The following CSMD2 variants were observed in gnomAD, a reference collection of about 807,000 sequenced individuals.
The protein encoded by CSMD2 is CUB and Sushi multiple domains 2, also known as CUB and sushi domain-containing protein 2.
In CSMD2, 130 loss-of-function variants were observed where a neutral mutation model predicts 398.5. That is an observed-to-expected ratio of 0.33 (90% CI 0.28 to 0.38). CSMD2 has a LOEUF of 0.38. CSMD2 is among the 10% of genes least tolerant of loss of function. CSMD2 has a pLI of 1.00. For missense variants in CSMD2, 3,829 were observed against 4,764.9 expected (o/e 0.80, Z 5.78); for synonymous variants, 1,828 against 1,908.5 (o/e 0.96, Z 1.10).
At position 33,526,615 on chromosome 1, in the gene CSMD2, G is replaced by T. The variant is rs746000316; in HGVS notation, c.10234+581C>A. Among the ~76,000 whole-genome samples the T allele has an allele frequency of 5.9e-5, 9 of 152,320 alleles. No homozygotes were observed. In the East Asian group the frequency reaches 1.7e-3, roughly 29 times the overall value. On this transcript the variant is annotated intron_variant, in intron 65 of 70. Transcript: ENST00000373381. ...GAAGCTTAAGAGGCGAAGCTCATTC[G>T]TCCAAGGACACAGCTGGTCAGTGAC...
At chr1:33,541,003 C>T in intron 59 of CSMD2, 127 bp downstream of exon 59, 2 of 985,786 alleles carry the variant, frequency 2.0e-6, no homozygotes, top group Non-Finnish European at 1.5e-6. Flanking sequence ...TCTCACCTTG[C>T]ACATCCCCTG....
intron 12 of CSMD2, among the ~76,000 whole-genome samples, chr1:33,783,404 A>C (rs1653047919): frequency 6.6e-6 from 1 of 150,918 alleles, no homozygotes; most frequent in South Asian, 2.1e-4. Flanking sequence ...ATGTCTAAGA[A>C]GAAACAACAC....
intron 64 of CSMD2, among the ~76,000 whole-genome samples, chr1:33,529,914 C>T (rs1179175865): frequency 6.6e-6 from 1 of 152,160 alleles, no homozygotes; most frequent in African/African-American, 2.4e-5. Flanking sequence ...AGAGAAAGAA[C>T]ACTTTCAACT....
At chr1:34,135,737 A>G (rs1638681941) in intron 1 of CSMD2, among the ~76,000 whole-genome samples, 1 of 152,140 alleles carries the variant, frequency 6.6e-6, no homozygotes, top group African/African-American at 2.4e-5. Flanking sequence ...AGAAAGAGGT[A>G]TAAGAGACAT....
In CSMD2 at chr1:33,515,041, G is replaced by A. The variant is rs890867135; in HGVS notation, c.*1583C>T. ...ACGTATACAGGGGCTTAAGCTTGTG[G>A]GGGCCTTCCCGAGGACAGAGAAAGT... On this transcript the variant is annotated 3_prime_UTR_variant, in exon 71 of 71. Transcript: ENST00000373381. 2.0e-5 allele frequency: 3 copies of A among 152,350 alleles called. No individual in the cohort carries two copies. Among genetic ancestry groups the A allele is most frequent in the African/African-American group, 7.2e-5 (3 of 41,576 alleles). The allele number at this position is 152,350 out of a possible 1,614,324, so 9.4% of individuals were successfully genotyped here.
At chr1:33,663,512 G>C (rs562748337) in intron 25 of CSMD2, among the ~76,000 whole-genome samples, 93 of 152,272 alleles carry the variant, frequency 6.1e-4, no homozygotes, top group African/African-American at 2.2e-3. Flanking sequence ...AAAATAATTG[G>C]GGCTAGAGGG....
chr1:33,610,924 C>T (rs778307450), intron 41 of CSMD2, 117 bp downstream of exon 41: 31 of 993,822 alleles, frequency 3.1e-5, no homozygotes, highest in Admixed American at 1.8e-4. Flanking sequence ...GGCCTGCCAC[C>T]GCAACCCACC....
At chr1:33,897,869 A>G (rs1400294570) in intron 5 of CSMD2, among the ~76,000 whole-genome samples, 1 of 152,216 alleles carries the variant, frequency 6.6e-6, no homozygotes, top group Non-Finnish European at 1.5e-5. Context: ...CAATTCTCCC[A>G]GAGACCCGAC....
chr1:34,068,728 G>A (rs541707274), intron 2 of CSMD2, among the ~76,000 whole-genome samples: 15 of 152,278 alleles, frequency 9.9e-5, no homozygotes, highest in African/African-American at 3.1e-4. Flanking sequence ...GAATTCCCAC[G>A]TGTTGGGGTA....
intron 5 of CSMD2, among the ~76,000 whole-genome samples, chr1:33,917,387 C>G (rs1643780330): frequency 6.6e-6 from 1 of 152,188 alleles, no homozygotes. Context: ...TGCCACAATA[C>G]CACTTGTGAT....
chr1:33,599,374 A>T (rs75489129), intron 44 of CSMD2: 1,580 of 152,400 alleles, frequency 0.01, 11 homozygotes, highest in Non-Finnish European at 0.017. Flanking sequence ...AATAAAAATA[A>T]TCATGACAAT....
intron 3 of CSMD2, 74 bp from the exon 4 acceptor site, chr1:33,936,028 A>T (rs2125328270): frequency 7.4e-7 from 1 of 1,347,678 alleles, no homozygotes; most frequent in East Asian, 2.3e-5. Context: ...GCTTCCTAGT[A>T]GCAACTCCCT....
intron 49 of CSMD2, among the ~76,000 whole-genome samples, chr1:33,574,133 G>C (rs977228281): frequency 5.9e-5 from 9 of 152,134 alleles, no homozygotes; most frequent in Non-Finnish European, 1.3e-4. Flanking sequence ...CACCTCTTGT[G>C]AACCCTTTCT....
At chr1:33,847,659 T>C (rs1283136427) in intron 5 of CSMD2, among the ~76,000 whole-genome samples, 1 of 152,146 alleles carries the variant, frequency 6.6e-6, no homozygotes, top group African/African-American at 2.4e-5. Flanking sequence ...ATTCAAATTA[T>C]AATTCAGTTA....
In CSMD2 at chr1:33,658,018, C is replaced by G. The variant is rs1389220883; in HGVS notation, c.4375G>C (p.Gly1459Arg). The G allele has an allele frequency of 6.2e-7, 1 of 1,614,210 alleles. No homozygotes were observed. ...FQCDPGYALQ[G>R]SAEISCVKIE... ...TTCACACAGCTGATCTCTGCACTTC[C>G]CTGCAGCGCGTAGCCAGGGTCACAC... The change falls in exon 27 of 71, where the codon GGA becomes CGA. Residue 1459 changes from glycine to arginine, a missense_variant. Physicochemically the swap from Gly to Arg is moderately radical, Grantham distance 125 (BLOSUM62 -2). Transcript: ENST00000373381.
At chr1:33,743,630 T>C (rs775921975) in intron 13 of CSMD2, 24 bp from the exon 14 acceptor site, 4 of 1,515,980 alleles carry the variant, frequency 2.6e-6, no homozygotes, top group Non-Finnish European at 3.6e-6. Flanking sequence ...GCAGTGGAGG[T>C]CAGTAAGCAT....
intron 3 of CSMD2, among the ~76,000 whole-genome samples, chr1:33,987,747 C>T (rs1161539671): frequency 6.6e-6 from 1 of 152,196 alleles, no homozygotes; most frequent in African/African-American, 2.4e-5. Context: ...GACTCTTCAT[C>T]ACTTTACCCA....
chr1:33,649,597 T>C (rs1187352175), intron 28 of CSMD2, among the ~76,000 whole-genome samples: 3 of 152,176 alleles, frequency 2.0e-5, no homozygotes, highest in African/African-American at 7.2e-5. Context: ...TGAGCCAAGA[T>C]TGTGCCACTG....
At chr1:33,782,406 A>G (rs1488105298) in intron 12 of CSMD2, among the ~76,000 whole-genome samples, 2 of 152,184 alleles carry the variant, frequency 1.3e-5, no homozygotes, top group African/African-American at 4.8e-5. Flanking sequence ...GTGCTTGACT[A>G]TACTGAGTCC....
Sources: gnomAD v4.1 joint callset for allele counts (sites outside exome capture counted in the v4.1 genomes callset) on GRCh38, gnomAD v4.1.1 for gene constraint, MANE v1.5 for transcripts, NCBI Gene and HGNC (gene_info 2026-07-23, HGNC 2026-07-21) for gene names.